The following IFT122 variants were observed in gnomAD, a reference collection of about 807,000 sequenced individuals.
The protein encoded by IFT122 is intraflagellar transport 122, also known as intraflagellar transport protein 122 homolog.
A neutral mutation model predicts 161.6 loss-of-function variants in IFT122; 118 were observed. The observed-to-expected ratio is 0.73, with a 90% CI of 0.63 to 0.85. The LOEUF is 0.85. IFT122 is among the 40% of genes least tolerant of loss of function. IFT122 has a pLI of 0.00. For synonymous variants in IFT122, 550 were observed against 602.4 expected (o/e 0.91, Z 1.27); for missense variants, 1,381 against 1,579.6 (o/e 0.87, Z 2.13).
chr3:129,455,422 C>T (rs930564432), intron 3 of IFT122, among the ~76,000 whole-genome samples: 7 of 152,102 alleles, frequency 4.6e-5, no homozygotes, highest in Non-Finnish European at 5.9e-5. Flanking sequence ...CCGCCCACCT[C>T]GGCCTCCCAA....
chr3:129,469,680 G>A (rs1249850562), intron 9 of IFT122, among the ~76,000 whole-genome samples: 1 of 152,142 alleles, frequency 6.6e-6, no homozygotes, highest in Non-Finnish European at 1.5e-5. Context: ...ATATGCCCAA[G>A]ATCTCACACA....
At chr3:129,501,069 A>G (rs13078698) in intron 19 of IFT122, among the ~76,000 whole-genome samples, 2 of 152,016 alleles carry the variant, frequency 1.3e-5, no homozygotes, top group Non-Finnish European at 2.9e-5. Context: ...GTCAAGGTGG[A>G]CAACAGGGAG....
intron 15 of IFT122, among the ~76,000 whole-genome samples, chr3:129,485,550 G>A (rs1251638746): frequency 2.0e-5 from 3 of 152,224 alleles, no homozygotes; most frequent in Non-Finnish European, 4.4e-5. Context: ...CTGTGTCCTC[G>A]TCATCCTTGT....
chr3:129,520,504 T>C lies in IFT122; in HGVS notation c.*239T>C. ...TTTCTAAGGAAAAAAATCTGTTACT[T>C]TCAGAACGGCTCCGAGTTGTTCGTG... On this transcript the variant is annotated 3_prime_UTR_variant, in exon 30 of 30. Coordinates refer to ENST00000348417, the MANE Select transcript of IFT122 (RefSeq NM_052989.3). 1 of 600,492 alleles carries C rather than the reference T, an allele frequency of 1.7e-6. No individual in the cohort carries two copies. Among genetic ancestry groups the C allele is most frequent in the Admixed American group, 2.6e-5 (1 of 37,884 alleles). 37.2% of individuals were successfully genotyped at this position (600,492 alleles called of 1,614,324 possible). A position where few individuals can be genotyped will look rare whatever the true frequency, so the allele number is the denominator to read the frequency against.
intron 27 of IFT122, 136 bp from the exon 28 acceptor site, chr3:129,518,971 C>T (rs1321245747): frequency 1.3e-6 from 1 of 787,010 alleles, no homozygotes; most frequent in Non-Finnish European, 2.3e-6. Flanking sequence ...TTGGCCTGAG[C>T]CCCCTCTGTT....
chr3:129,463,541 ATAT>A lies in IFT122; in HGVS notation c.350-14_350-12del. ...TATTCCAACCAATCCATCTTCTTTT[ATAT>A]TATTGTGCATTGAAGGGTTGTGGTC... On this transcript the variant is annotated splice_polypyrimidine_tract_variant and intron_variant, in intron 5 of 29. Coordinates refer to ENST00000348417, the MANE Select transcript of IFT122 (RefSeq NM_052989.3). 1 of 1,608,818 alleles carries A rather than the reference ATAT, an allele frequency of 6.2e-7. No individual in the cohort carries two copies. The highest frequency in any genetic ancestry group is 8.5e-7 in the Non-Finnish European group (1 of 1,175,518).
At chr3:129,491,764 T>C (rs2080121282) in intron 16 of IFT122, among the ~76,000 whole-genome samples, 1 of 152,176 alleles carries the variant, frequency 6.6e-6, no homozygotes, top group Non-Finnish European at 1.5e-5. Flanking sequence ...CATCAGTCCA[T>C]GCATCTCATC....
intron 25 of IFT122, 200 bp downstream of exon 25, chr3:129,514,754 G>A (rs1200081949): frequency 1.9e-5 from 13 of 688,590 alleles, no homozygotes; most frequent in South Asian, 1.5e-4. Context: ...TCCACCTGGC[G>A]CCCGCTCACA....
At chr3:129,517,267 T>TGCAC (rs1553776415) in intron 26 of IFT122, among the ~76,000 whole-genome samples, 65 of 89,796 alleles carry the variant, frequency 7.2e-4, no homozygotes, top group African/African-American at 3.5e-3. Flanking sequence ...ACATTGCTCC[T>TGCAC]GCACACACAC....
chr3:129,514,586 TCTC>T (rs775768722), intron 25 of IFT122, 32 bp downstream of exon 25: 13 of 1,613,418 alleles, frequency 8.1e-6, no homozygotes, highest in Middle Eastern at 1.6e-4. Flanking sequence ...GCAGGTGGCT[TCTC>T]CTCTCCCTTG....
intron 5 of IFT122, 31 bp downstream of exon 5, chr3:129,461,335 G>T: frequency 6.5e-7 from 1 of 1,535,282 alleles, no homozygotes; most frequent in South Asian, 1.1e-5. Flanking sequence ...TCCTGTCCTG[G>T]AATAACTGAA....
chr3:129,451,046 A>G (rs779837916), intron 2 of IFT122, among the ~76,000 whole-genome samples: 6 of 152,148 alleles, frequency 3.9e-5, no homozygotes, highest in South Asian at 4.2e-4. Context: ...AACTCTCCAC[A>G]TAGTGATAGA....
At chr3:129,498,429 A>AG (rs1373006063) in intron 18 of IFT122, among the ~76,000 whole-genome samples, 2 of 152,224 alleles carry the variant, frequency 1.3e-5, no homozygotes, top group African/African-American at 4.8e-5. Context: ...CCAGAAGGAA[A>AG]GGTGTGTCTG....
intron 1 of IFT122, among the ~76,000 whole-genome samples, chr3:129,440,707 C>T (rs939658419): frequency 6.6e-6 from 1 of 152,236 alleles, no homozygotes; most frequent in Non-Finnish European, 1.5e-5. Context: ...GCCACATCCA[C>T]ATAGTACCCA....
At chr3:129,471,152 T>C (rs2077330845) in intron 9 of IFT122, among the ~76,000 whole-genome samples, 1 of 152,220 alleles carries the variant, frequency 6.6e-6, no homozygotes, top group African/African-American at 2.4e-5. Context: ...AGTGAAGCCT[T>C]TAATTGCGTA....
rs186544357 is a variant in IFT122, at chr3:129,490,702, C to G, written c.1993-1439C>G. Among the ~76,000 whole-genome samples, 20 of 152,320 alleles carry G rather than the reference C, an allele frequency of 1.3e-4. No homozygotes were observed. The East Asian group carries it at 3.9e-3, about 29-fold the overall frequency. On this transcript the variant is annotated intron_variant, in intron 16 of 29. Coordinates refer to ENST00000348417, the MANE Select transcript of IFT122 (RefSeq NM_052989.3). ...ACTCAGACCTCGAATGCTCCTTTCCCTCTTGGCCACTGTGCTGGGCTTTGC... is the reference window on the plus strand; with the variant it reads ...ACTCAGACCTCGAATGCTCCTTTCCGTCTTGGCCACTGTGCTGGGCTTTGC...
At chr3:129,516,829 G>GAGACTGCCCCTACACACACACACAC (rs2083850520) in intron 26 of IFT122, among the ~76,000 whole-genome samples, 1 of 93,646 alleles carries the variant, frequency 1.1e-5, no homozygotes, top group Non-Finnish European at 2.1e-5. Context: ...CACACACACA[G>GAGACTGCCCCTACACACACACACAC]AGACTGCCCC....
chr3:129,484,353 CT>C (rs1200876401), intron 15 of IFT122, among the ~76,000 whole-genome samples: 2 of 152,196 alleles, frequency 1.3e-5, no homozygotes. Flanking sequence ...TAGCGAGAAA[CT>C]GTAGCCTTCA....
At chr3:129,507,134 G>T (rs964791618) in intron 22 of IFT122, among the ~76,000 whole-genome samples, 1 of 152,166 alleles carries the variant, frequency 6.6e-6, no homozygotes, top group African/African-American at 2.4e-5. Flanking sequence ...CATCTGTCCT[G>T]TGGGAGTCCC....
Sources: gnomAD v4.1 joint callset for allele counts (sites outside exome capture counted in the v4.1 genomes callset) on GRCh38, gnomAD v4.1.1 for gene constraint, MANE v1.5 for transcripts, NCBI Gene and HGNC (gene_info 2026-07-23, HGNC 2026-07-21) for gene names.